TNIK: variants seen among roughly 807,000 people sequenced by gnomAD.
TNIK encodes the protein TRAF2 and NCK-interacting protein kinase.
In TNIK, 49 loss-of-function variants were observed where a neutral mutation model predicts 191.3. The ratio of observed to expected loss-of-function variants is 0.26; its 90% CI spans 0.20 to 0.32. The LOEUF (loss-of-function observed/expected upper bound fraction) is 0.32. Ranked by LOEUF, TNIK falls within the 10% of genes least tolerant of loss-of-function variation. The pLI, the probability that TNIK is intolerant of heterozygous loss-of-function variation, is 1.00. For synonymous variants in TNIK, 594 were observed against 600.9 expected (o/e 0.99, Z 0.17); for missense variants, 1,155 against 1,702.3 (o/e 0.68, Z 5.66).
rs1174668889 is a variant in TNIK at position 171,138,334 on chromosome 3, G to A, written c.1465C>T (p.Leu489=). 4 of 1,611,822 alleles carry A rather than the reference G, an allele frequency of 2.5e-6. No individual in the cohort carries two copies. The highest frequency in any genetic ancestry group is 2.2e-5 in the South Asian group (2 of 90,642). ...CTTTCTTGCTTTAGCTGCCTCTGCAGTCTTTCTGCTTGTCTCTGTTCTTCC... is the reference window on the plus strand; with the variant it reads ...CTTTCTTGCTTTAGCTGCCTCTGCAATCTTTCTGCTTGTCTCTGTTCTTCC... ...QLEEQRQAER[L]QRQLKQERDY... is the part of the protein sequence containing the mutation. The change falls in exon 15 of 33, where the codon CTG becomes TTG. Residue 489 remains leucine (L), a synonymous_variant. Coordinates refer to ENST00000436636, the MANE Select transcript of TNIK (RefSeq NM_015028.4).
rs375070451 is a variant in TNIK at position 171,127,909 on chromosome 3, T to G, written c.1773+805A>C. Among the ~76,000 whole-genome samples the G allele has an allele frequency of 9.1e-4, 138 of 152,352 alleles. 1 individual carries two copies. The highest frequency in any genetic ancestry group is 3.3e-3 in the African/African-American group (136 of 41,578). On this transcript the variant is annotated intron_variant, in intron 16 of 32. Transcript: ENST00000436636. ...ACACAGGTGGATGCCTGGAAGAAAT[T>G]TAAGACATTTGGCAGAAGAAACTAC...
intron 2 of TNIK, among the ~76,000 whole-genome samples, chr3:171,287,037 A>G (rs940398312): frequency 6.6e-6 from 1 of 152,216 alleles, no homozygotes; most frequent in Admixed American, 6.5e-5. Context: ...TGTTGTTCTC[A>G]TAGAAAAACA....
At chr3:171,339,905 A>T (rs1031943936) in intron 2 of TNIK, among the ~76,000 whole-genome samples, 5 of 152,186 alleles carry the variant, frequency 3.3e-5, no homozygotes, top group Non-Finnish European at 5.9e-5. Context: ...CTGCCTTATT[A>T]GGCTGTGTTA....
intron 8 of TNIK, among the ~76,000 whole-genome samples, chr3:171,175,695 T>C (rs1030017668): frequency 1.3e-5 from 2 of 152,234 alleles, no homozygotes; most frequent in African/African-American, 2.4e-5. Context: ...TGGTAAGCTA[T>C]TTTTAATTAG....
intron 2 of TNIK, among the ~76,000 whole-genome samples, chr3:171,317,807 T>A (rs1754800017): frequency 6.6e-6 from 1 of 152,180 alleles, no homozygotes; most frequent in Non-Finnish European, 1.5e-5. Flanking sequence ...CGTAGTTGTA[T>A]CAGACAAATG....
rs760820945 is a variant in TNIK at position 171,061,723 on chromosome 3, G to A, written c.*2158C>T. On this transcript the variant is annotated 3_prime_UTR_variant, in exon 33 of 33. Transcript: ENST00000436636. Reference sequence around the variant, plus strand: ...GGCAATCACATTCGGGAGTGAAATCGAAATCAATATATTTTGTCCACATCA... The same window carrying A: ...GGCAATCACATTCGGGAGTGAAATCAAAATCAATATATTTTGTCCACATCA... The A allele has an allele frequency of 2.1e-4, 32 of 152,108 alleles. No homozygotes were observed. The highest frequency in any genetic ancestry group is 7.0e-4 in the African/African-American group (29 of 41,426). 9.4% of individuals were successfully genotyped at this position (152,108 alleles called of 1,614,324 possible).
chr3:171,305,522 A>C (rs940665221), intron 2 of TNIK, among the ~76,000 whole-genome samples: 1 of 152,202 alleles, frequency 6.6e-6, no homozygotes, highest in Non-Finnish European at 1.5e-5. Flanking sequence ...TACAAGCAAA[A>C]CACAAACAAT....
chr3:171,209,950 G>T (rs1438832447), intron 4 of TNIK, among the ~76,000 whole-genome samples: 2 of 152,142 alleles, frequency 1.3e-5, no homozygotes, highest in Non-Finnish European at 2.9e-5. Context: ...GAGTACTTTG[G>T]GAATTCTCCA....
In TNIK at chr3:171,351,269, A is replaced by ATGTGTG. The variant is rs140083535; in HGVS notation, c.123+18350_123+18351insCACACA. Among the ~76,000 whole-genome samples, 955 of 147,042 alleles carry ATGTGTG rather than the reference A, an allele frequency of 6.5e-3. 4 individuals are homozygous for ATGTGTG. Among genetic ancestry groups the ATGTGTG allele is most frequent in the African/African-American group, 0.022 (846 of 38,258 alleles). ...AGAGAAAATATATATATATATGTAT[A>ATGTGTG]TATGTGTGTGTGTGTGTGTATGAAT... On this transcript the variant is annotated intron_variant, in intron 2 of 32. Coordinates refer to ENST00000436636, the MANE Select transcript of TNIK (RefSeq NM_015028.4).
intron 5 of TNIK, 75 bp downstream of exon 5, chr3:171,194,450 A>T: frequency 7.5e-7 from 1 of 1,328,264 alleles, no homozygotes; most frequent in Non-Finnish European, 1.1e-6. Flanking sequence ...GTCAGAAAAA[A>T]ATTCAATCCC....
At chr3:171,177,270 T>C (rs895790227) in intron 8 of TNIK, 56 bp downstream of exon 8, 2 of 1,561,420 alleles carry the variant, frequency 1.3e-6, no homozygotes, top group African/African-American at 2.7e-5. Context: ...GCAAGGAAAC[T>C]TCAGTACCTG....
chr3:171,364,365 A>T (rs965737429), intron 2 of TNIK, among the ~76,000 whole-genome samples: 3 of 135,830 alleles, frequency 2.2e-5, no homozygotes, highest in South Asian at 2.2e-4. Flanking sequence ...ATCCCATTAT[A>T]AAAAAAAAAA....
chr3:171,348,800 A>G lies in TNIK; in HGVS notation c.123+20820T>C, dbSNP rs559215526. Reference sequence around the variant, plus strand: ...GCTGGTAAGCCTCAAACACAAATGAAAGTGTTATTTCTTAAAGTATAGTGG... The same window carrying G: ...GCTGGTAAGCCTCAAACACAAATGAGAGTGTTATTTCTTAAAGTATAGTGG... On this transcript the variant is annotated intron_variant, in intron 2 of 32. Coordinates refer to ENST00000436636, the MANE Select transcript of TNIK (RefSeq NM_015028.4). 2.6e-5 allele frequency among the ~76,000 whole-genome samples: 4 copies of G among 152,188 alleles called. No individual in the cohort carries two copies. In the South Asian group the frequency reaches 8.3e-4, roughly 32 times the overall value.
chr3:171,084,789 G>A (rs981719367), intron 25 of TNIK, among the ~76,000 whole-genome samples: 4 of 152,088 alleles, frequency 2.6e-5, no homozygotes, highest in Admixed American at 2.6e-4. Flanking sequence ...CTTATTAAGT[G>A]CCTAATGTGT....
chr3:171,291,004 T>C (rs759392422), intron 2 of TNIK, among the ~76,000 whole-genome samples: 22 of 152,194 alleles, frequency 1.4e-4, no homozygotes, highest in Admixed American at 1.2e-3. Flanking sequence ...AACTTACCCA[T>C]TGTCTTTTTA....
chr3:171,196,800 T>C (rs1738731866), intron 4 of TNIK, among the ~76,000 whole-genome samples: 1 of 152,186 alleles, frequency 6.6e-6, no homozygotes, highest in Non-Finnish European at 1.5e-5. Flanking sequence ...AGTCTCACTG[T>C]GTCACCCAGG....
At chr3:171,214,715 A>G (rs1741254868) in intron 3 of TNIK, among the ~76,000 whole-genome samples, 1 of 152,184 alleles carries the variant, frequency 6.6e-6, no homozygotes, top group Non-Finnish European at 1.5e-5. Flanking sequence ...TACTTAAATC[A>G]GATGACTTCC....
chr3:171,209,522 T>C (rs1267770844), intron 4 of TNIK, among the ~76,000 whole-genome samples: 1 of 152,214 alleles, frequency 6.6e-6, no homozygotes, highest in East Asian at 1.9e-4. Context: ...TTATATTTTA[T>C]GGTGTATCCC....
chr3:171,154,811 A>G (rs575579720), intron 12 of TNIK, among the ~76,000 whole-genome samples: 1 of 152,362 alleles, frequency 6.6e-6, no homozygotes, highest in East Asian at 1.9e-4. Context: ...ACTTTGTTAT[A>G]GGTTGTACTT....
Sources: gnomAD v4.1 joint callset for allele counts (sites outside exome capture counted in the v4.1 genomes callset) on GRCh38, gnomAD v4.1.1 for gene constraint, MANE v1.5 for transcripts, NCBI Gene and HGNC (gene_info 2026-07-23, HGNC 2026-07-21) for gene names.